Variants in PRKN observed in about 807,000 individuals in gnomAD.
PRKN encodes E3 ubiquitin-protein ligase parkin.
In PRKN, 56 loss-of-function variants were observed where a neutral mutation model predicts 59.5. The ratio of observed to expected loss-of-function variants is 0.94; its 90% CI spans 0.76 to 1.18. PRKN has a LOEUF of 1.18. PRKN is among the 50% of genes most tolerant of loss of function. PRKN has a pLI of 0.00. For missense variants in PRKN, 657 were observed against 596.4 expected, an observed-to-expected ratio of 1.10 and a Z score of -1.06; for synonymous variants, 250 against 222.1, an observed-to-expected ratio of 1.13 and a Z score of -1.12.
chr6:162,143,762 T>C (rs1781884861), intron 4 of PRKN, among the ~76,000 whole-genome samples: 1 of 152,172 alleles, frequency 6.6e-6, no homozygotes, highest in African/African-American at 2.4e-5. Flanking sequence ...CATGGGTTTC[T>C]TAGAGGTGAT....
intron 7 of PRKN, among the ~76,000 whole-genome samples, chr6:161,671,429 G>A (rs1263928121): frequency 1.3e-5 from 2 of 152,146 alleles, no homozygotes; most frequent in East Asian, 1.9e-4. Flanking sequence ...GCGGCATGGA[G>A]CTTCTTTATT....
chr6:161,654,695 A>T (rs1222364281), intron 7 of PRKN, among the ~76,000 whole-genome samples: 1 of 152,198 alleles, frequency 6.6e-6, no homozygotes, highest in African/African-American at 2.4e-5. Context: ...GTGTGTATCT[A>T]CGTAGGATGT....
At chr6:161,916,903 ATTCTCC>A (rs1778584026) in intron 6 of PRKN, among the ~76,000 whole-genome samples, 1 of 152,048 alleles carries the variant, frequency 6.6e-6, no homozygotes, top group Non-Finnish European at 1.5e-5. Context: ...GGTTCACGCC[ATTCTCC>A]TCCTGCCCCA....
In PRKN at chr6:161,393,015, T is replaced by C. The variant is rs1786585251; in HGVS notation, c.1084-6138A>G. ...TAAATACCAGATGTAGATTAGTGTT[T>C]AGAAGTGAACCCTTTGAGGTAGAGA... On this transcript the variant is annotated intron_variant, in intron 9 of 11. Transcript: ENST00000366898. This position sits in a 1 kb window ranked among gnomAD's most constrained non-coding sequence, Gnocchi z 4.7. Among the ~76,000 whole-genome samples, 1 of 152,132 alleles carries C rather than the reference T, an allele frequency of 6.6e-6. No homozygotes were observed. The highest frequency in any genetic ancestry group is 1.5e-5 in the Non-Finnish European group (1 of 68,034).
chr6:162,364,493 AAAAG>A (rs1049837065), intron 2 of PRKN, among the ~76,000 whole-genome samples: 8 of 152,184 alleles, frequency 5.3e-5, no homozygotes, highest in South Asian at 4.1e-4. Flanking sequence ...TAAATAAAAT[AAAAG>A]AAAGAAAGAA....
chr6:162,187,907 T>A (rs1173882498), intron 4 of PRKN, among the ~76,000 whole-genome samples: 1 of 152,090 alleles, frequency 6.6e-6, no homozygotes, highest in Non-Finnish European at 1.5e-5. Flanking sequence ...TTTGGCTGTG[T>A]CCCCACCCAA....
At chr6:162,563,487 G>C (rs1779937615) in intron 1 of PRKN, among the ~76,000 whole-genome samples, 3 of 152,180 alleles carry the variant, frequency 2.0e-5, no homozygotes, top group South Asian at 4.1e-4. Flanking sequence ...AGTAGATACA[G>C]CTTAGATCAC....
chr6:162,472,355 A>G (rs4708962), intron 1 of PRKN, among the ~76,000 whole-genome samples: 1 of 97,432 alleles, frequency 1.0e-5, no homozygotes, highest in Non-Finnish European at 2.1e-5. Context: ...CCCTCCCCCC[A>G]CCCCCCACCC....
In PRKN at chr6:161,904,661, G is replaced by C. The variant is rs562424587; in HGVS notation, c.734+68641C>G. Among the ~76,000 whole-genome samples, 9 of 152,194 alleles carry C rather than the reference G, an allele frequency of 5.9e-5. No homozygotes were observed. The South Asian group carries it at 6.2e-4, about 11-fold the overall frequency. ...CATTCCCTGTGAGGTAAGACCGCAGGGGGTGGGCCTCTGTGAAAGCCTGAA... is the reference window on the plus strand; with the variant it reads ...CATTCCCTGTGAGGTAAGACCGCAGCGGGTGGGCCTCTGTGAAAGCCTGAA... On this transcript the variant is annotated intron_variant, in intron 6 of 11. Transcript: ENST00000366898.
At chr6:162,704,508 T>C (rs142514087) in intron 1 of PRKN, among the ~76,000 whole-genome samples, 38 of 152,338 alleles carry the variant, frequency 2.5e-4, no homozygotes, top group East Asian at 3.9e-4. Flanking sequence ...ACTTAAACTA[T>C]GTGTCAAAGC....
intron 1 of PRKN, among the ~76,000 whole-genome samples, chr6:162,493,938 A>G (rs533277052): frequency 1.3e-5 from 2 of 152,152 alleles, no homozygotes; most frequent in African/African-American, 4.8e-5. Flanking sequence ...AAACTCAATG[A>G]CCTCTATATC....
chr6:162,471,846 T>C (rs1791762751), intron 1 of PRKN, among the ~76,000 whole-genome samples: 1 of 152,234 alleles, frequency 6.6e-6, no homozygotes, highest in Admixed American at 6.5e-5. Flanking sequence ...ATTAGAACAC[T>C]AGTCTTTTTG....
intron 1 of PRKN, chr6:162,569,161 T>G: frequency 1.7e-6 from 1 of 601,988 alleles, no homozygotes. Flanking sequence ...ATGTACCAGA[T>G]CAAGTATAAG....
At chr6:162,417,912 G>T (rs926598140) in intron 2 of PRKN, among the ~76,000 whole-genome samples, 4 of 152,138 alleles carry the variant, frequency 2.6e-5, no homozygotes, top group Non-Finnish European at 5.9e-5. Context: ...CTGATATGAA[G>T]CACAATAAAT....
At chr6:162,324,413 A>C (rs887238585) in intron 2 of PRKN, among the ~76,000 whole-genome samples, 29 of 152,182 alleles carry the variant, frequency 1.9e-4, no homozygotes, top group Non-Finnish European at 4.1e-4. Flanking sequence ...TATGCCAGAT[A>C]CATGCAGTTT....
chr6:162,481,166 G>T (rs1179958978), intron 1 of PRKN, among the ~76,000 whole-genome samples: 1 of 151,912 alleles, frequency 6.6e-6, no homozygotes, highest in African/African-American at 2.4e-5. Context: ...CTCATATAAA[G>T]AATTAAGTAG....
At chr6:162,710,409 ACACAC>A (rs1422191124) in intron 1 of PRKN, among the ~76,000 whole-genome samples, 14 of 150,974 alleles carry the variant, frequency 9.3e-5, no homozygotes, top group African/African-American at 3.2e-4. Context: ...ACACACACAC[ACACAC>A]AACTGTTTGG....
chr6:161,822,496 C>T (rs1033962903), intron 6 of PRKN, among the ~76,000 whole-genome samples: 2 of 152,058 alleles, frequency 1.3e-5, no homozygotes, highest in Admixed American at 1.3e-4. Flanking sequence ...GCCAACATGG[C>T]GAAACCCCGT....
rs936598988 is a variant in PRKN at position 162,306,584 on chromosome 6, T to A, written c.172-43819A>T. 1.3e-5 allele frequency among the ~76,000 whole-genome samples: 2 copies of A among 152,208 alleles called. 1 individual carries two copies. The highest frequency in any genetic ancestry group is 1.3e-4 in the Admixed American group (2 of 15,280). On this transcript the variant is annotated intron_variant, in intron 2 of 11. Coordinates refer to ENST00000366898, the MANE Select transcript of PRKN (RefSeq NM_004562.3). ...GAATTGTGTGAAAATTGTTTTCCCC[T>A]GGCTCTTTGAGAAGCTCAGTATATG...
Sources: allele counts gnomAD v4.1 joint callset (sites outside exome capture counted in the v4.1 genomes callset), GRCh38; gene constraint gnomAD v4.1.1; non-coding constraint Gnocchi (gnomAD v3.1); transcripts MANE v1.5; gene names NCBI Gene and HGNC (gene_info 2026-07-23, HGNC 2026-07-21).